Variants in RPS6KA2 observed in about 807,000 individuals in gnomAD.
RPS6KA2 encodes ribosomal protein S6 kinase alpha-2.
A neutral mutation model predicts 91.8 loss-of-function variants in RPS6KA2; 42 were observed. The ratio of observed to expected loss-of-function variants is 0.46; its 90% confidence interval spans 0.36 to 0.59. The LOEUF is 0.59. Among genes scored for constraint, RPS6KA2 ranks in the 20% least tolerant of loss-of-function variants. The pLI, the probability that RPS6KA2 is intolerant of heterozygous loss-of-function variation, is 0.00. For synonymous variants in RPS6KA2, 414 were observed against 393.6 expected (o/e 1.05, Z -0.61); for missense variants, 798 against 978.5 (o/e 0.82, Z 2.46).
At chr6:166,784,937 C>T (rs1289619537) in intron 2 of RPS6KA2, among the ~76,000 whole-genome samples, 1 of 152,320 alleles carries the variant, frequency 6.6e-6, no homozygotes, top group Admixed American at 6.5e-5. Context: ...CTGTTGTACA[C>T]GGGCTGAGCT....
At chr6:166,593,923 C>A (rs923378654) in intron 1 of RPS6KA2, among the ~76,000 whole-genome samples, 5 of 152,172 alleles carry the variant, frequency 3.3e-5, no homozygotes, top group African/African-American at 9.7e-5. Context: ...GTAACACTAT[C>A]ACAAATGTAA....
rs775064413 is a variant in RPS6KA2, at chr6:166,858,294, A to C, written c.64-35T>G. On this transcript the variant is annotated intron_variant, in intron 1 of 21. Transcript: ENST00000503859. ...AAGATAGATGTTAAAGATGGTTAGC[A>C]TTGCCATGTGTTTGTAGGTGGCCTC... is the stretch of plus-strand genomic sequence containing the variant. 3.1e-6 allele frequency: 4 copies of C among 1,303,552 alleles called. No individual in the cohort carries two copies. The Admixed American group carries it at 7.4e-5, about 24-fold the overall frequency. 80.7% of individuals were successfully genotyped at this position (1,303,552 alleles called of 1,614,324 possible).
chr6:166,771,925 C>T (rs555444483), intron 2 of RPS6KA2, among the ~76,000 whole-genome samples: 14 of 152,290 alleles, frequency 9.2e-5, no homozygotes, highest in African/African-American at 2.4e-4. Context: ...CCCTGCACTG[C>T]GGGTGCCCAT....
chr6:166,592,021 C>A (rs958813945), intron 1 of RPS6KA2, among the ~76,000 whole-genome samples: 1 of 152,158 alleles, frequency 6.6e-6, no homozygotes, highest in African/African-American at 2.4e-5. Context: ...AAATGATGGA[C>A]GTTCTGTTTA....
At chr6:166,651,069 C>A (rs1257869627) in intron 2 of RPS6KA2, among the ~76,000 whole-genome samples, 1 of 152,190 alleles carries the variant, frequency 6.6e-6, no homozygotes, top group Non-Finnish European at 1.5e-5. Context: ...GCTGTGGAAG[C>A]CAGGCTGTCA....
chr6:166,421,046 T>C (rs750912905), intron 17 of RPS6KA2, among the ~76,000 whole-genome samples: 8 of 152,178 alleles, frequency 5.3e-5, no homozygotes, highest in Non-Finnish European at 1.0e-4. Flanking sequence ...GCCTGCACCA[T>C]GGAGGGGACC....
At chr6:166,664,778 A>G (rs183315861) in intron 2 of RPS6KA2, among the ~76,000 whole-genome samples, 147 of 152,334 alleles carry the variant, frequency 9.6e-4, no homozygotes, top group Non-Finnish European at 1.2e-3. Flanking sequence ...TTTGCAAGAG[A>G]TTATTCTAAT....
chr6:166,522,287 G>A (rs1472395642), intron 3 of RPS6KA2, among the ~76,000 whole-genome samples: 1 of 152,228 alleles, frequency 6.6e-6, no homozygotes, highest in Admixed American at 6.5e-5. Context: ...CTGTGAAGAT[G>A]AGCAATGGCT....
chr6:166,414,561 A>G (rs1269892150), intron 19 of RPS6KA2, among the ~76,000 whole-genome samples: 1 of 152,246 alleles, frequency 6.6e-6, no homozygotes, highest in Admixed American at 6.5e-5. Flanking sequence ...GTACTTGGTT[A>G]CAGTGTGAAT....
At chr6:166,640,775 G>A (rs1696306009) in intron 2 of RPS6KA2, among the ~76,000 whole-genome samples, 1 of 150,544 alleles carries the variant, frequency 6.6e-6, no homozygotes, top group African/African-American at 2.4e-5. Context: ...GTGAGTCTCT[G>A]CCATCTAGAC....
intron 2 of RPS6KA2, among the ~76,000 whole-genome samples, chr6:166,731,866 G>A (rs971722970): frequency 2.0e-5 from 3 of 152,132 alleles, no homozygotes; most frequent in South Asian, 2.1e-4. Flanking sequence ...GGACTCCCCC[G>A]GGGCCATCAC....
At chr6:166,595,248 C>T (rs1785499892) in intron 1 of RPS6KA2, among the ~76,000 whole-genome samples, 3 of 152,076 alleles carry the variant, frequency 2.0e-5, no homozygotes, top group Middle Eastern at 3.2e-3. Flanking sequence ...GACTGGGTTT[C>T]GTCATGCTGG....
intron 3 of RPS6KA2, among the ~76,000 whole-genome samples, chr6:166,518,603 A>G (rs1782742112): frequency 6.6e-6 from 1 of 152,194 alleles, no homozygotes; most frequent in Non-Finnish European, 1.5e-5. Flanking sequence ...ACGTTTTTAT[A>G]AGAATGTTCT....
intron 14 of RPS6KA2, among the ~76,000 whole-genome samples, chr6:166,446,831 T>C (rs953286808): frequency 6.6e-6 from 1 of 152,186 alleles, no homozygotes; most frequent in Non-Finnish European, 1.5e-5. Context: ...GTTTCTGGGA[T>C]TGCTGTCTGT....
Position 166,648,261 on chromosome 6 carries a change from CAT to C in RPS6KA2, c.124-109479_124-109478del, listed in dbSNP as rs536495029. Among the ~76,000 whole-genome samples the C allele has an allele frequency of 2.1e-4, 32 of 151,590 alleles. No individual in the cohort carries two copies. Among genetic ancestry groups the C allele is most frequent in the African/African-American group, 7.7e-4 (32 of 41,312 alleles). On this transcript the variant is annotated intron_variant, in intron 2 of 21. Transcript: ENST00000503859. The surrounding 1 kb of genome is among the most constrained non-coding windows in gnomAD (Gnocchi z 4.8). ...ACACATTCACACAGGCACACACACTCATGTTCATACACACGCATGCACACAGT... is the reference window on the plus strand; with the variant it reads ...ACACATTCACACAGGCACACACACTCGTTCATACACACGCATGCACACAGT...
chr6:166,691,055 G>A (rs56955335), intron 2 of RPS6KA2, among the ~76,000 whole-genome samples: 25,574 of 152,134 alleles, frequency 0.17, 2,518 homozygotes, highest in African/African-American at 0.27. Flanking sequence ...AAACCATAAC[G>A]AAAATAGAAA....
At chr6:166,620,998 A>C (rs2128540170) in intron 1 of RPS6KA2, among the ~76,000 whole-genome samples, 1 of 152,294 alleles carries the variant, frequency 6.6e-6, no homozygotes, top group African/African-American at 2.4e-5. Flanking sequence ...TGCCTGCAGA[A>C]TCCTACCTCC....
intron 2 of RPS6KA2, among the ~76,000 whole-genome samples, chr6:166,739,169 A>G (rs778084090): frequency 1.8e-4 from 28 of 152,234 alleles, no homozygotes; most frequent in Non-Finnish European, 3.8e-4. Flanking sequence ...ATCTGCAGTG[A>G]GTCACTCAGA....
At chr6:166,643,228 A>G (rs1787499329) in intron 2 of RPS6KA2, among the ~76,000 whole-genome samples, 1 of 152,254 alleles carries the variant, frequency 6.6e-6, no homozygotes, top group Admixed American at 6.5e-5. Context: ...CAATCTAAAT[A>G]GAAATAAATC....
Sources: gnomAD v4.1 joint callset for allele counts (sites outside exome capture counted in the v4.1 genomes callset) on GRCh38, gnomAD v4.1.1 for gene constraint, Gnocchi (gnomAD v3.1) non-coding constraint, MANE v1.5 for transcripts, NCBI Gene and HGNC (gene_info 2026-07-23, HGNC 2026-07-21) for gene names.